Variants in EIF3E observed in about 807,000 individuals in gnomAD.
EIF3E encodes eukaryotic translation initiation factor 3 subunit E.
Under a neutral mutation model 59.3 loss-of-function variants are expected in EIF3E, and 25 were observed. The ratio of observed to expected loss-of-function variants is 0.42; its 90% confidence interval spans 0.31 to 0.59. The LOEUF is 0.59. EIF3E is among the 20% of genes least tolerant of loss of function. EIF3E has a pLI of 0.15. For synonymous variants in EIF3E, 176 were observed against 170.2 expected (o/e 1.03, Z -0.26); for missense variants, 317 against 534.3 (o/e 0.59, Z 4.01).
At chr8:108,246,784 C>T (rs1001378997) in intron 1 of EIF3E, among the ~76,000 whole-genome samples, 1 of 152,154 alleles carries the variant, frequency 6.6e-6, no homozygotes, top group African/African-American at 2.4e-5. Flanking sequence ...TGATGATGTA[C>T]TTCCACTTAC....
chr8:108,205,933 T>C (rs1006125922), intron 10 of EIF3E, among the ~76,000 whole-genome samples: 5 of 152,206 alleles, frequency 3.3e-5, no homozygotes, highest in African/African-American at 1.2e-4. Context: ...GGGAAAAACC[T>C]AGTCTGTATT....
At chr8:108,207,727 G>GAC (rs1310729488) in intron 10 of EIF3E, among the ~76,000 whole-genome samples, 1 of 152,078 alleles carries the variant, frequency 6.6e-6, no homozygotes, top group Non-Finnish European at 1.5e-5. Context: ...CTGCTCAACT[G>GAC]ACACACACAC....
chr8:108,234,862 CT>C lies in EIF3E; in HGVS notation c.471+135del, dbSNP rs1329171758. 8.1e-4 allele frequency: 370 copies of C among 455,308 alleles called. 1 individual carries two copies. Among genetic ancestry groups the C allele is most frequent in the South Asian group, 1.3e-3 (12 of 9,474 alleles). 28.2% of individuals were successfully genotyped at this position (455,308 alleles called of 1,614,324 possible). On this transcript the variant is annotated intron_variant, in intron 5 of 12. Coordinates refer to ENST00000220849, the MANE Select transcript of EIF3E (RefSeq NM_001568.3). Reference sequence around the variant, plus strand: ...TTTTTGAGTGGGAGGGTTTTCTTTACTTTTTTCTCTTTTGCCAATGACTGTT... The same window carrying C: ...TTTTTGAGTGGGAGGGTTTTCTTTACTTTTTCTCTTTTGCCAATGACTGTT...
chr8:108,218,842 G>A (rs146135540), intron 7 of EIF3E, among the ~76,000 whole-genome samples: 31 of 137,424 alleles, frequency 2.3e-4, no homozygotes, highest in African/African-American at 8.4e-4. Flanking sequence ...GGAGTGCAGT[G>A]GCACCATCTC....
chr8:108,243,319 C>G (rs960859345), intron 1 of EIF3E: 6 of 152,104 alleles, frequency 3.9e-5, no homozygotes, highest in Admixed American at 3.3e-4. Context: ...TAGTGACTAA[C>G]AGGGGTCAAG....
At position 108,201,267 on chromosome 8, in the gene EIF3E, C is replaced by CTATATATATATATATATATA. The variant is rs1563624517; in HGVS notation, c.*617_*618insTATATATATATATATATATA. 7.9e-6 allele frequency: 1 copy of CTATATATATATATATATATA among 126,536 alleles called. No individual in the cohort carries two copies. Among genetic ancestry groups the CTATATATATATATATATATA allele is most frequent in the Non-Finnish European group, 1.6e-5 (1 of 62,328 alleles). The allele number at this position is 126,536 out of a possible 1,614,324, so 7.8% of individuals were successfully genotyped here. A position where few individuals can be genotyped will look rare whatever the true frequency, so the allele number is the denominator to read the frequency against. ...CTACTGATCATATATATATATATATCTATCTCTCAACTTGGATGGCTCTCA... is the reference window on the plus strand; with the variant it reads ...CTACTGATCATATATATATATATATCTATATATATATATATATATATATCTCTCAACTTGGATGGCTCTCA... On this transcript the variant is annotated 3_prime_UTR_variant, in exon 13 of 13. Coordinates refer to ENST00000220849, the MANE Select transcript of EIF3E (RefSeq NM_001568.3).
intron 7 of EIF3E, chr8:108,228,063 T>C: frequency 4.7e-6 from 2 of 426,538 alleles, no homozygotes; most frequent in African/African-American, 2.1e-5. Flanking sequence ...AATAGCACTT[T>C]AAAAGGCTTA....
rs562348166 is a variant in EIF3E at position 108,201,699 on chromosome 8, T to TA, written c.*185dup. On this transcript the variant is annotated 3_prime_UTR_variant, in exon 13 of 13. Transcript: ENST00000220849. ...ATATAATTATTCCAAAAAAGAAAGT[T>TA]AAAAAAACACAAACTTGCACATGCA... 908 of 531,566 alleles carry TA rather than the reference T, an allele frequency of 1.7e-3. 4 individuals are homozygous for TA. The highest frequency in any genetic ancestry group is 8.7e-3 in the African/African-American group (437 of 50,204). The allele number at this position is 531,566 out of a possible 1,614,324, so 32.9% of individuals were successfully genotyped here.
At position 108,220,613 on chromosome 8, in the gene EIF3E, C is replaced by T. The variant is rs116633426; in HGVS notation, c.723-3153G>A. Among the ~76,000 whole-genome samples the T allele has an allele frequency of 6.5e-3, 983 of 152,290 alleles. 18 individuals are homozygous for T. The highest frequency in any genetic ancestry group is 0.023 in the African/African-American group (950 of 41,568). On this transcript the variant is annotated intron_variant, in intron 7 of 12. Coordinates refer to ENST00000220849, the MANE Select transcript of EIF3E (RefSeq NM_001568.3). ...ATTTTAGATGGCACAAACTAAGAAA[C>T]ATTATCAAGTCTGCTGCAAAAGTTA...
At position 108,201,939 on chromosome 8, in the gene EIF3E, A is replaced by C; in HGVS notation, c.1300-16T>G. 1 of 1,573,520 alleles carries C rather than the reference A, an allele frequency of 6.4e-7. No homozygotes were observed. The highest frequency in any genetic ancestry group is 8.6e-7 in the Non-Finnish European group (1 of 1,159,854). The stretch of plus-strand genomic sequence containing the variant: ...AGTTAGGAGCCTAAAATATGCAAAA[A>C]GAAATCAACACCGTGAAAAGAAAAT... On this transcript the variant is annotated splice_polypyrimidine_tract_variant and intron_variant, in intron 12 of 12. Transcript: ENST00000220849.
At chr8:108,227,878 T>C (rs1463783376) in intron 7 of EIF3E, 1 of 155,104 alleles carries the variant, frequency 6.4e-6, no homozygotes, top group Non-Finnish European at 1.4e-5. Context: ...AAAGATGATA[T>C]AAAAAGATGC....
At chr8:108,230,297 T>G (rs1189188993) in intron 5 of EIF3E, among the ~76,000 whole-genome samples, 2 of 152,146 alleles carry the variant, frequency 1.3e-5, no homozygotes, top group Non-Finnish European at 2.9e-5. Context: ...CACTGCAACA[T>G]GGGGATAGAA....
intron 7 of EIF3E, among the ~76,000 whole-genome samples, chr8:108,225,634 C>T (rs1281200746): frequency 6.6e-6 from 1 of 151,568 alleles, no homozygotes; most frequent in East Asian, 1.9e-4. Flanking sequence ...TTTATCTGTA[C>T]TTCTTACTGA....
chr8:108,223,623 G>C (rs1156383866), intron 7 of EIF3E, among the ~76,000 whole-genome samples: 1 of 152,020 alleles, frequency 6.6e-6, no homozygotes, highest in Non-Finnish European at 1.5e-5. Context: ...AGAGTAATAG[G>C]GCATTGTATT....
intron 1 of EIF3E, among the ~76,000 whole-genome samples, chr8:108,246,419 T>C (rs1047367578): frequency 6.6e-6 from 1 of 152,168 alleles, no homozygotes; most frequent in Admixed American, 6.5e-5. Context: ...TCAATTTTGA[T>C]AGCACTCTAC....
chr8:108,244,121 T>C (rs1287696508), intron 1 of EIF3E, among the ~76,000 whole-genome samples: 1 of 152,200 alleles, frequency 6.6e-6, no homozygotes, highest in East Asian at 1.9e-4. Context: ...TTTCCACAAT[T>C]TTTTAAAAAT....
chr8:108,212,646 A>C (rs1378227264), intron 10 of EIF3E, among the ~76,000 whole-genome samples: 2 of 152,184 alleles, frequency 1.3e-5, no homozygotes, highest in African/African-American at 4.8e-5. Flanking sequence ...TACTAAAAGC[A>C]CAAAAATTAG....
Position 108,245,869 on chromosome 8 carries a change from T to C in EIF3E, c.90+2744A>G, listed in dbSNP as rs185728503. ...CTTATATTCTCCAATGTACTACAAA[T>C]ATATGAAACTGTTTTTCTCTTGGTG... On this transcript the variant is annotated intron_variant, in intron 1 of 12. Transcript: ENST00000220849. Among the ~76,000 whole-genome samples, 24 of 152,346 alleles carry C rather than the reference T, an allele frequency of 1.6e-4. No homozygotes were observed. In the East Asian group the frequency reaches 4.2e-3, roughly 27 times the overall value.
intron 10 of EIF3E, among the ~76,000 whole-genome samples, chr8:108,213,760 C>T (rs1290978931): frequency 6.6e-6 from 1 of 152,066 alleles, no homozygotes; most frequent in African/African-American, 2.4e-5. Flanking sequence ...CAGTAAAGTG[C>T]TAATAAAACT....
Sources: gnomAD v4.1 joint callset for allele counts (sites outside exome capture counted in the v4.1 genomes callset) on GRCh38, gnomAD v4.1.1 for gene constraint, MANE v1.5 for transcripts, NCBI Gene and HGNC (gene_info 2026-07-23, HGNC 2026-07-21) for gene names.